The following TCF20 variants were observed in gnomAD, a reference collection of about 807,000 sequenced individuals.
The protein encoded by TCF20 is SPRE-binding protein.
In TCF20, 3 loss-of-function variants were observed where a neutral mutation model predicts 148.6. The observed-to-expected ratio is 0.02, with a 90% CI of 0.01 to 0.05. The LOEUF (loss-of-function observed/expected upper bound fraction) is 0.05. Ranked by LOEUF, TCF20 falls within the 10% of genes least tolerant of loss-of-function variation. TCF20 has a pLI of 1.00. For synonymous variants in TCF20, 1,049 were observed against 909.5 expected, an observed-to-expected ratio of 1.15 and a Z score of -2.76; for missense variants, 2,350 against 2,429.3, an observed-to-expected ratio of 0.97 and a Z score of 0.69.
chr22:42,188,135 A>C (rs1937134639), intron 2 of TCF20, among the ~76,000 whole-genome samples: 1 of 151,748 alleles, frequency 6.6e-6, no homozygotes, highest in Admixed American at 6.6e-5. Flanking sequence ...CTCTACTAAA[A>C]ATACAAAAAT....
chr22:42,293,783 CGAGGTCAG>C (rs1168215406), intron 1 of TCF20, among the ~76,000 whole-genome samples: 3 of 152,194 alleles, frequency 2.0e-5, no homozygotes, highest in Non-Finnish European at 4.4e-5. Context: ...GGGCAGATCA[CGAGGTCAG>C]GAGTTTGAGA....
At chr22:42,271,528 TA>T (rs148401416), upstream of TCF20, among the ~76,000 whole-genome samples, 71 of 152,306 alleles carry the variant, frequency 4.7e-4, no homozygotes, top group African/African-American at 1.7e-3. Context: ...AACTAATATG[TA>T]GATGTTGGTG....
chr22:42,242,612 C>G (rs903568254), intron 1 of TCF20, among the ~76,000 whole-genome samples: 4 of 152,054 alleles, frequency 2.6e-5, no homozygotes, highest in African/African-American at 9.7e-5. Context: ...CCCGGCCAGG[C>G]GAGGTGGCTC....
At chr22:42,271,508 A>G (rs563044192), upstream of TCF20, among the ~76,000 whole-genome samples, 1 of 152,236 alleles carries the variant, frequency 6.6e-6, no homozygotes, top group Non-Finnish European at 1.5e-5. Flanking sequence ...GAAAATCGCA[A>G]TTGTAGAGCA....
chr22:42,215,014 G>A lies in TCF20; in HGVS notation c.292C>T (p.Pro98Ser). 2.5e-6 allele frequency: 4 copies of A among 1,614,168 alleles called. No individual in the cohort carries two copies. The highest frequency in any genetic ancestry group is 3.4e-6 in the Non-Finnish European group (4 of 1,180,026). ...GGCTGTGGGGTTCCTGTAGTCACGG[G>A]GTCTTTGTTGCCTGCCATGTAGTAA... Reference protein sequence around the residue: ...DFYYMAGNKDPVTTGTPQPPQ... With the variant: ...DFYYMAGNKDSVTTGTPQPPQ... The change falls in exon 2 of 6, where the codon CCC becomes TCC. Residue 98 changes from proline (P) to serine (S), a missense_variant. By Grantham distance (74) the Pro-to-Ser change is moderately conservative. Around this residue, in one of 7 missense-constraint regions of TCF20, gnomAD observed 1,641 missense variants for 1,662.6 expected, o/e 0.99. Coordinates refer to ENST00000677622, the MANE Select transcript of TCF20 (RefSeq NM_001378418.1).
intron 1 of TCF20, among the ~76,000 whole-genome samples, chr22:42,332,152 A>G (rs1927986935): frequency 6.6e-6 from 1 of 152,188 alleles, no homozygotes; most frequent in Non-Finnish European, 1.5e-5. Context: ...TACAAATGAC[A>G]TGGGCACTAC....
intron 1 of TCF20, among the ~76,000 whole-genome samples, chr22:42,257,607 T>C (rs556696289): frequency 1.3e-5 from 2 of 152,214 alleles, no homozygotes; most frequent in African/African-American, 4.8e-5. Context: ...GATGGGGCTA[T>C]AAAAGCAAAA....
Position 42,161,259 on chromosome 22 carries a change from CGGGCG to C in TCF20, c.*139_*143del, listed in dbSNP as rs766608312. The stretch of plus-strand genomic sequence containing the variant: ...GGAAGTGCTGGCATGGGCAGGCACG[CGGGCG>C]GGGCGGGGCGGGGCAGGGCAGGGTG... On this transcript the variant is annotated 3_prime_UTR_variant, in exon 6 of 6. Transcript: ENST00000677622. 491 of 1,313,958 alleles carry C rather than the reference CGGGCG, an allele frequency of 3.7e-4. No individual in the cohort carries two copies. The highest frequency in any genetic ancestry group is 1.5e-3 in the Middle Eastern group (7 of 4,766). 81.4% of individuals were successfully genotyped at this position (1,313,958 alleles called of 1,614,324 possible).
At chr22:42,220,139 C>A (rs1004735494) in intron 1 of TCF20, among the ~76,000 whole-genome samples, 2 of 152,146 alleles carry the variant, frequency 1.3e-5, no homozygotes, top group Non-Finnish European at 2.9e-5. Context: ...GTCCTTCTTC[C>A]TCCATATGTC....
intron 1 of TCF20, among the ~76,000 whole-genome samples, chr22:42,229,583 T>TC (rs1923213754): frequency 6.6e-6 from 1 of 152,132 alleles, no homozygotes; most frequent in Non-Finnish European, 1.5e-5. Flanking sequence ...ATAGGGTGCG[T>TC]AACAACAGGT....
chr22:42,222,451 A>C (rs929312279), intron 1 of TCF20, among the ~76,000 whole-genome samples: 8 of 151,982 alleles, frequency 5.3e-5, no homozygotes, highest in Non-Finnish European at 1.0e-4. Flanking sequence ...CTTTCCCAGT[A>C]CTTTCTTTTG....
At position 42,323,937 on chromosome 22, in the gene TCF20, G is replaced by GGTGGTC. The variant is rs1927797615; in HGVS notation, c.-37+19541_-37+19542insGACCAC. ...TGGTGATGGAGGTTATGGTGGTGGTGGTGGTGATGGAGGTTATGGTGGTGG... is the reference window on the plus strand; with the variant it reads ...TGGTGATGGAGGTTATGGTGGTGGTGGTGGTCGTGGTGATGGAGGTTATGGTGGTGG... On this transcript the variant is annotated intron_variant, in intron 1 of 1. Coordinates refer to the TCF20 transcript ENST00000515426. Among the ~76,000 whole-genome samples the GGTGGTC allele has an allele frequency of 3.6e-5, 4 of 111,726 alleles. 1 individual carries two copies. Among genetic ancestry groups the GGTGGTC allele is most frequent in the Non-Finnish European group, 8.1e-5 (4 of 49,318 alleles). The allele number at this position is 111,726 out of a possible 152,430, so 73.3% of individuals were successfully genotyped here. A position where few individuals can be genotyped will look rare whatever the true frequency, so the allele number is the denominator to read the frequency against.
Position 42,338,697 on chromosome 22 carries a change from G to GCA in TCF20, c.-37+4780_-37+4781dup, listed in dbSNP as rs1452161391. ...GAGGCTGCCAGGCGGGACGGGCTGG[G>GCA]CACGGCACGAGGCGGCAACAATAGG... On this transcript the variant is annotated intron_variant, in intron 1 of 1. Coordinates refer to the TCF20 transcript ENST00000515426. The surrounding 1 kb of genome is among the most constrained non-coding windows in gnomAD (Gnocchi z 4.0). Among the ~76,000 whole-genome samples, 2 of 152,374 alleles carry GCA rather than the reference G, an allele frequency of 1.3e-5. No homozygotes were observed. The highest frequency in any genetic ancestry group is 3.8e-4 in the East Asian group (2 of 5,196).
At chr22:42,249,453 T>C (rs1569184873) in intron 1 of TCF20, among the ~76,000 whole-genome samples, 1 of 152,258 alleles carries the variant, frequency 6.6e-6, no homozygotes, top group Non-Finnish European at 1.5e-5. Flanking sequence ...TCTTACTTTA[T>C]TCTTTACAGC....
In TCF20 at chr22:42,215,028, G is replaced by A. The variant is rs1921571494; in HGVS notation, c.278C>T (p.Ala93Val). 1.2e-6 allele frequency: 2 copies of A among 1,614,120 alleles called. No individual in the cohort carries two copies. Among genetic ancestry groups the A allele is most frequent in the Admixed American group, 1.7e-5 (1 of 60,006 alleles). Residue 93 changes from alanine to valine, a missense_variant, in exon 2 of 6, where the codon GCA (alanine) becomes GTA (valine). Transcript: ENST00000677622. ...TGTAGTCACGGGGTCTTTGTTGCCT[G>A]CCATGTAGTAAAAATCTCCAGCCTC... is the stretch of plus-strand genomic sequence containing the variant. ...RKEAGDFYYM[A>V]GNKDPVTTGT...
At position 42,213,866 on chromosome 22, in the gene TCF20, A is replaced by G. The variant is rs17002894; in HGVS notation, c.1440T>C (p.Thr480=). Residue 480 remains threonine (T), a synonymous_variant, in exon 2 of 6, where the codon ACT becomes ACC. Transcript: ENST00000677622. The stretch of plus-strand genomic sequence containing the variant: ...GCCTCTTGGAGGTCTTCTTCTGAGG[A>G]GTCAGGGCATCAGAAAGTAACATGT... ...VQHMLLSDAL[T]PQKKTSKRPS... The G allele has an allele frequency of 1.5e-4, 250 of 1,614,008 alleles. No individual in the cohort carries two copies. Among genetic ancestry groups the G allele is most frequent in the Non-Finnish European group, 2.0e-4 (237 of 1,180,030 alleles).
intron 1 of TCF20, among the ~76,000 whole-genome samples, chr22:42,260,679 T>C (rs929481761): frequency 6.6e-6 from 1 of 152,136 alleles, no homozygotes; most frequent in African/African-American, 2.4e-5. Flanking sequence ...AGACAGGGTC[T>C]CACTGTGTTG....
chr22:42,343,180 C>A (rs1018280855), intron 1 of TCF20, among the ~76,000 whole-genome samples: 1 of 152,180 alleles, frequency 6.6e-6, no homozygotes, highest in East Asian at 1.9e-4. Flanking sequence ...TCCCGGCTGG[C>A]CACTTGCTAG....
At chr22:42,239,432 C>T (rs1484144522) in intron 1 of TCF20, among the ~76,000 whole-genome samples, 10 of 150,144 alleles carry the variant, frequency 6.7e-5, no homozygotes, top group African/African-American at 1.2e-4. Flanking sequence ...GCCAAAATCA[C>T]GCCATTGCAC....
Sources: allele counts gnomAD v4.1 joint callset (sites outside exome capture counted in the v4.1 genomes callset), GRCh38; gene constraint gnomAD v4.1.1; regional missense constraint gnomAD v4.1.1; non-coding constraint Gnocchi (gnomAD v3.1); transcripts MANE v1.5; gene names NCBI Gene and HGNC (gene_info 2026-07-23, HGNC 2026-07-21).